EXTL3: variants seen among roughly 807,000 people sequenced by gnomAD.
EXTL3 encodes the protein exostosin like glycosyltransferase 3.
In EXTL3, 27 loss-of-function variants were observed where a neutral mutation model predicts 69.3. The observed-to-expected ratio is 0.39, with a 90% CI of 0.29 to 0.54. EXTL3 has a LOEUF of 0.54. EXTL3 is among the 20% of genes least tolerant of loss of function. The pLI, the probability that EXTL3 is intolerant of heterozygous loss-of-function variation, is 0.69. For missense variants in EXTL3, 1,003 were observed against 1,231.8 expected (o/e 0.81, Z 2.78); for synonymous variants, 511 against 499.4 (o/e 1.02, Z -0.31).
At chr8:28,609,888 T>G (rs1806249064) in intron 2 of EXTL3, among the ~76,000 whole-genome samples, 1 of 131,294 alleles carries the variant, frequency 7.6e-6, no homozygotes, top group Non-Finnish European at 1.5e-5. Flanking sequence ...AGACACTGGC[T>G]CAAAAAAATA....
intron 5 of EXTL3, among the ~76,000 whole-genome samples, chr8:28,739,474 G>T (rs545977445): frequency 6.6e-6 from 1 of 151,996 alleles, no homozygotes; most frequent in African/African-American, 2.4e-5. Flanking sequence ...CTACAGGCAC[G>T]CATCACCACA....
At chr8:28,608,109 C>CA (rs1158457543) in intron 2 of EXTL3, among the ~76,000 whole-genome samples, 3,595 of 103,748 alleles carry the variant, frequency 0.035, 146 homozygotes, top group African/African-American at 0.11. Flanking sequence ...GACACCATCT[C>CA]AAAAAAAAAA....
chr8:28,623,975 C>G lies in EXTL3; in HGVS notation c.-53+1165C>G, dbSNP rs959767526. 6.6e-6 allele frequency among the ~76,000 whole-genome samples: 1 copy of G among 152,150 alleles called. No homozygotes were observed. The highest frequency in any genetic ancestry group is 1.5e-5 in the Non-Finnish European group (1 of 68,020). The stretch of plus-strand genomic sequence containing the variant: ...GTCTAAAATGCTAGCAATGAACTCA[C>G]ATTCCTTTTTTGCTAGACAGTCATA... On this transcript the variant is annotated intron_variant, in intron 1 of 6. Transcript: ENST00000523149. The surrounding 1 kb of genome is among the most constrained non-coding windows in gnomAD (Gnocchi z 4.2).
rs115953850 is a variant in EXTL3, at chr8:28,613,624, G to C, written n.314+5866G>C. Reference sequence around the variant, plus strand: ...AAACCATCTGGGCCTGGTGCTTTCTGTTTTGGAAGGTTAATAATTATTGAT... The same window carrying C: ...AAACCATCTGGGCCTGGTGCTTTCTCTTTTGGAAGGTTAATAATTATTGAT... On this transcript the variant is annotated intron_variant and non_coding_transcript_variant, in intron 2 of 4. Transcript: ENST00000522725. Among the ~76,000 whole-genome samples, 1,276 of 152,274 alleles carry C rather than the reference G, an allele frequency of 8.4e-3. 17 individuals carry two copies. Among genetic ancestry groups the C allele is most frequent in the African/African-American group, 0.029 (1,193 of 41,550 alleles).
chr8:28,683,790 A>G (rs898820934), intron 1 of EXTL3, among the ~76,000 whole-genome samples: 1 of 152,048 alleles, frequency 6.6e-6, no homozygotes, highest in Non-Finnish European at 1.5e-5. Context: ...AGCCTGGGCC[A>G]CAGTGTGAGA....
At chr8:28,748,580 G>T (rs946417854) in intron 6 of EXTL3, among the ~76,000 whole-genome samples, 3 of 152,150 alleles carry the variant, frequency 2.0e-5, no homozygotes, top group African/African-American at 7.2e-5. Context: ...CACCATGGGG[G>T]GCTGCTCTCA....
rs1402182156 is a variant in EXTL3 at position 28,717,309 on chromosome 8, A to T, written c.1250A>T (p.Glu417Val). 2 of 1,614,048 alleles carry T rather than the reference A, an allele frequency of 1.2e-6. No homozygotes were observed. The highest frequency in any genetic ancestry group is 2.7e-5 in the African/African-American group (2 of 74,926). Reference protein sequence around the residue: ...SLPTEWALCGEREDRLELLKL... With the variant: ...SLPTEWALCGVREDRLELLKL... ...CCGACTGAGTGGGCACTGTGTGGAG[A>T]GCGGGAGGACCGCTTGGAATTGCTG... The change falls in exon 3 of 7, where the codon GAG becomes GTG. Residue 417 changes from glutamate (E) to valine (V), a missense_variant. Transcript: ENST00000220562. The surrounding 1 kb of genome is among the most constrained non-coding windows in gnomAD (Gnocchi z 8.3).
intron 5 of EXTL3, chr8:28,742,736 T>C: frequency 2.6e-5 from 8 of 308,246 alleles, no homozygotes; most frequent in South Asian, 2.4e-4. Flanking sequence ...CTTATCTTTT[T>C]TTTTTTTTTT....
At chr8:28,714,523 C>G (rs188036042) in intron 2 of EXTL3, among the ~76,000 whole-genome samples, 1 of 152,180 alleles carries the variant, frequency 6.6e-6, no homozygotes, top group Non-Finnish European at 1.5e-5. Context: ...AAGGGAAGTT[C>G]CATGAGGTCA....
chr8:28,717,652 G>A lies in EXTL3; in HGVS notation c.1593G>A (p.Leu531=). Reference sequence around the variant, plus strand: ...CTGACAGTATTTTTAATACCGTGCTGGCTATGATTAGGACTCGCATCCAGA... The same window carrying A: ...CTGACAGTATTTTTAATACCGTGCTAGCTATGATTAGGACTCGCATCCAGA... ...STADSIFNTV[L]AMIRTRIQIP... The change falls in exon 3 of 7, where the codon CTG becomes CTA. Residue 531 remains leucine, a synonymous_variant. Coordinates refer to ENST00000220562, the MANE Select transcript of EXTL3 (RefSeq NM_001440.4). The surrounding 1 kb of genome is among the most constrained non-coding windows in gnomAD (Gnocchi z 8.3). 6.2e-7 allele frequency: 1 copy of A among 1,614,222 alleles called. No homozygotes were observed. The highest frequency in any genetic ancestry group is 1.3e-5 in the African/African-American group (1 of 75,076).
At chr8:28,724,218 C>G (rs562971869) in intron 3 of EXTL3, among the ~76,000 whole-genome samples, 1 of 152,210 alleles carries the variant, frequency 6.6e-6, no homozygotes, top group East Asian at 1.9e-4. Context: ...TCTGCATTCT[C>G]TCATTTGTTG....
In EXTL3 at chr8:28,623,369, A is replaced by C. The variant is rs1480153969; in HGVS notation, c.-53+559A>C. Among the ~76,000 whole-genome samples the C allele has an allele frequency of 5.3e-5, 8 of 152,200 alleles. No individual in the cohort carries two copies. The East Asian group carries it at 1.5e-3, about 29-fold the overall frequency. ...GACCCCAAAGCCAGCCGTACCTGCG[A>C]GCCCCTCAGCACAGCTGACTTTAAT... On this transcript the variant is annotated intron_variant, in intron 1 of 6. Coordinates refer to the EXTL3 transcript ENST00000523149. The surrounding 1 kb of genome is among the most constrained non-coding windows in gnomAD (Gnocchi z 4.2).
At chr8:28,703,806 G>A (rs1394114573) in intron 1 of EXTL3, among the ~76,000 whole-genome samples, 1 of 152,212 alleles carries the variant, frequency 6.6e-6, no homozygotes, top group Non-Finnish European at 1.5e-5. Flanking sequence ...TGGTTATTAA[G>A]TTTAGCTCAG....
intron 1 of EXTL3, among the ~76,000 whole-genome samples, chr8:28,636,082 A>C (rs577998720): frequency 6.6e-6 from 1 of 151,996 alleles, no homozygotes; most frequent in South Asian, 2.1e-4. Flanking sequence ...TGTAATCCTC[A>C]CACTTTGGGA....
At chr8:28,675,391 T>A (rs976249686) in intron 1 of EXTL3, among the ~76,000 whole-genome samples, 1 of 152,178 alleles carries the variant, frequency 6.6e-6, no homozygotes. Context: ...TATCATGACC[T>A]CTGTGGTCAG....
chr8:28,612,570 G>T (rs1315052770), intron 2 of EXTL3, among the ~76,000 whole-genome samples: 1 of 152,042 alleles, frequency 6.6e-6, no homozygotes, highest in African/African-American at 2.4e-5. Flanking sequence ...CCAGGTAAAA[G>T]TTATTACTAT....
Position 28,754,813 on chromosome 8 carries a change from C to T in EXTL3, c.*3947C>T, listed in dbSNP as rs1371761789. 3 of 152,206 alleles carry T rather than the reference C, an allele frequency of 2.0e-5. No individual in the cohort carries two copies. The highest frequency in any genetic ancestry group is 2.9e-5 in the Non-Finnish European group (2 of 68,084). The allele number at this position is 152,206 out of a possible 1,614,324, so 9.4% of individuals were successfully genotyped here. On this transcript the variant is annotated 3_prime_UTR_variant, in exon 7 of 7. Transcript: ENST00000220562. ...GGTGTGTGGTGCCTAACATCTTAAT[C>T]TCAGCATTTGGTGAGGCAGAAGTGG... is the stretch of plus-strand genomic sequence containing the variant.
At chr8:28,709,470 G>T in intron 1 of EXTL3, among the ~76,000 whole-genome samples, 1 of 152,124 alleles carries the variant, frequency 6.6e-6, no homozygotes, top group East Asian at 1.9e-4. Flanking sequence ...GCCAGATGGA[G>T]CAGTGACTCC....
chr8:28,715,973 G>A lies in EXTL3; in HGVS notation c.-87G>A, dbSNP rs35165519. 194 of 1,112,782 alleles carry A rather than the reference G, an allele frequency of 1.7e-4. No individual in the cohort carries two copies. In the East Asian group the frequency reaches 4.1e-3, roughly 24 times the overall value. The allele number at this position is 1,112,782 out of a possible 1,614,324, so 68.9% of individuals were successfully genotyped here. A position where few individuals can be genotyped will look rare whatever the true frequency, so the allele number is the denominator to read the frequency against. Reference sequence around the variant, plus strand: ...CACTAACTCTTCTGGAAACGTGTCAGTGAAACAGAGATCGTTTTGTGGAAT... The same window carrying A: ...CACTAACTCTTCTGGAAACGTGTCAATGAAACAGAGATCGTTTTGTGGAAT... On this transcript the variant is annotated 5_prime_UTR_variant, in exon 3 of 7. It adds an upstream start codon to the 5' untranslated region. Transcript: ENST00000220562.
Sources: gnomAD v4.1 joint callset for allele counts (sites outside exome capture counted in the v4.1 genomes callset) on GRCh38, gnomAD v4.1.1 for gene constraint, Gnocchi (gnomAD v3.1) non-coding constraint, MANE v1.5 for transcripts, NCBI Gene and HGNC (gene_info 2026-07-23, HGNC 2026-07-21) for gene names.